Variants in CCDC144A observed in about 807,000 individuals in gnomAD.
CCDC144A encodes coiled-coil domain-containing protein 144A.
In CCDC144A, 41 loss-of-function variants were observed where a neutral mutation model predicts 143.8. That is an observed-to-expected ratio of 0.29 (90% CI 0.22 to 0.37). The LOEUF (loss-of-function observed/expected upper bound fraction) is 0.37. Among genes scored for constraint, CCDC144A ranks in the 10% least tolerant of loss-of-function variants. CCDC144A has a pLI of 1.00. For missense variants in CCDC144A, 637 were observed against 1,488.8 expected (o/e 0.43, Z 9.41); for synonymous variants, 242 against 517.9 (o/e 0.47, Z 7.23).
chr17:16,684,122 C>A, the CCDC144A span: 1 of 1,138,636 alleles, frequency 8.8e-7, no homozygotes, highest in Non-Finnish European at 1.3e-6. Flanking sequence ...TAACTGGGTT[C>A]AAGGTTGGAA....
At chr17:16,688,879 C>G (rs1348942848), upstream of CCDC144A, among the ~76,000 whole-genome samples, 1 of 152,138 alleles carries the variant, frequency 6.6e-6, no homozygotes, top group Non-Finnish European at 1.5e-5. Flanking sequence ...TACTAAAAAT[C>G]CCTAATTTTA....
At chr17:16,691,607 A>C (rs1209576945) in intron 1 of CCDC144A, among the ~76,000 whole-genome samples, 2 of 126,096 alleles carry the variant, frequency 1.6e-5, no homozygotes, top group African/African-American at 6.1e-5. Flanking sequence ...TAAAAAATAC[A>C]AAAAAAAAAT....
intron 12 of CCDC144A, among the ~76,000 whole-genome samples, chr17:16,742,537 T>C (rs1188150347): frequency 1.3e-5 from 2 of 152,200 alleles, no homozygotes; most frequent in African/African-American, 4.8e-5. Context: ...GGAATACTGG[T>C]ATCCCTTTGA....
chr17:16,770,843 A>G (rs1363546006), intron 15 of CCDC144A, among the ~76,000 whole-genome samples: 1 of 151,844 alleles, frequency 6.6e-6, no homozygotes, highest in Non-Finnish European at 1.5e-5. Context: ...ACATAGCTTG[A>G]AAAGGATCAT....
chr17:16,750,502 G>A (rs1413282580), intron 12 of CCDC144A, among the ~76,000 whole-genome samples: 1 of 150,132 alleles, frequency 6.7e-6, no homozygotes, highest in Non-Finnish European at 1.5e-5. Context: ...TTCCTTTCGT[G>A]TTGACCTTGG....
the CCDC144A span, among the ~76,000 whole-genome samples, chr17:16,675,906 C>A: frequency 1.3e-5 from 2 of 151,550 alleles, no homozygotes; most frequent in African/African-American, 4.9e-5. Context: ...CCAAGCCCAG[C>A]TAATTTTTTT....
chr17:16,690,587 A>G lies in CCDC144A; in HGVS notation c.187A>G (p.Lys63Glu). Residue 63 changes from lysine (K) to glutamate (E), a missense_variant, in exon 1 of 17, where the codon AAG (lysine) becomes GAG (glutamate). Transcript: ENST00000399273. ...WWKNSVGSESKHGEGALDQPQ... is the reference protein window; with the variant it reads ...WWKNSVGSESEHGEGALDQPQ... ...GAAAAACAGCGTCGGCAGCGAGAGCAAGCACGGTGAGGGCGCCTTAGACCA... is the reference window on the plus strand; with the variant it reads ...GAAAAACAGCGTCGGCAGCGAGAGCGAGCACGGTGAGGGCGCCTTAGACCA... 6.2e-7 allele frequency: 1 copy of G among 1,613,748 alleles called. No individual in the cohort carries two copies. The highest frequency in any genetic ancestry group is 8.5e-7 in the Non-Finnish European group (1 of 1,179,862).
upstream of CCDC144A, chr17:16,689,835 C>T (rs994248314): frequency 6.6e-5 from 10 of 152,392 alleles, no homozygotes; most frequent in African/African-American, 2.4e-4. Flanking sequence ...GACCCTAGGG[C>T]AACTTTGCTG....
chr17:16,738,159 G>A (rs1045256986), intron 12 of CCDC144A, among the ~76,000 whole-genome samples: 5 of 150,926 alleles, frequency 3.3e-5, no homozygotes, highest in African/African-American at 4.9e-5. Context: ...CCATAGTACT[G>A]TTCTCCAAAA....
chr17:16,766,585 C>A (rs1418644643), intron 15 of CCDC144A: 1 of 152,264 alleles, frequency 6.6e-6, no homozygotes, highest in Non-Finnish European at 1.5e-5. Flanking sequence ...AATAAAAATA[C>A]AAAAATTAGC....
chr17:16,719,229 C>T (rs1912949307), intron 6 of CCDC144A, among the ~76,000 whole-genome samples: 1 of 152,002 alleles, frequency 6.6e-6, no homozygotes, highest in African/African-American at 2.4e-5. Context: ...ACATTGCCAT[C>T]AGCATGTATT....
Position 16,732,677 on chromosome 17 carries a change from T to G in CCDC144A, c.2418+11T>G. On this transcript the variant is annotated intron_variant, in intron 11 of 16. Transcript: ENST00000399273. Reference sequence around the variant, plus strand: ...AAAATGAATTCTGAGGTATTTTCTTTAGTCATTTTCAAATATATTTTTGTA... The same window carrying G: ...AAAATGAATTCTGAGGTATTTTCTTGAGTCATTTTCAAATATATTTTTGTA... 2 of 1,584,360 alleles carry G rather than the reference T, an allele frequency of 1.3e-6. No individual in the cohort carries two copies. Among genetic ancestry groups the G allele is most frequent in the Non-Finnish European group, 1.7e-6 (2 of 1,169,050 alleles).
intron 8 of CCDC144A, among the ~76,000 whole-genome samples, chr17:16,724,724 A>G (rs1415297839): frequency 7.0e-6 from 1 of 143,042 alleles, no homozygotes; most frequent in African/African-American, 2.6e-5. Flanking sequence ...TTTTTGCCTC[A>G]TATATTTTGA....
intron 12 of CCDC144A, among the ~76,000 whole-genome samples, chr17:16,739,093 T>C (rs1914147169): frequency 7.1e-6 from 1 of 140,412 alleles, no homozygotes; most frequent in Non-Finnish European, 1.5e-5. Flanking sequence ...TATATCTTCT[T>C]TGGAGAAATA....
the CCDC144A span, among the ~76,000 whole-genome samples, chr17:16,681,679 A>G: frequency 6.6e-6 from 1 of 151,910 alleles, no homozygotes; most frequent in African/African-American, 2.4e-5. Flanking sequence ...GCCAACATGG[A>G]GAAACCCCGT....
chr17:16,708,712 G>C, intron 4 of CCDC144A, 84 bp from the exon 5 acceptor site: 1 of 1,554,556 alleles, frequency 6.4e-7, no homozygotes, highest in Non-Finnish European at 8.8e-7. Context: ...TAAGGACAAA[G>C]CTATTTTTAA....
At chr17:16,685,420 C>T (rs188008478), upstream of CCDC144A, among the ~76,000 whole-genome samples, 57 of 152,030 alleles carry the variant, frequency 3.7e-4, no homozygotes, top group Non-Finnish European at 5.6e-4. Context: ...TGCTCTGTCA[C>T]CCAGACTGGA....
At chr17:16,741,648 A>G (rs62073727) in intron 12 of CCDC144A, among the ~76,000 whole-genome samples, 9 of 151,902 alleles carry the variant, frequency 5.9e-5, no homozygotes, top group Non-Finnish European at 1.3e-4. Context: ...GTGTCTTATT[A>G]TGTTACCCAG....
At chr17:16,697,727 A>T (rs2621642) in intron 2 of CCDC144A, among the ~76,000 whole-genome samples, 1 of 152,224 alleles carries the variant, frequency 6.6e-6, no homozygotes. Context: ...ATAAAAGCCA[A>T]TTCTTAAGAG....
Sources: gnomAD v4.1 joint callset for allele counts (sites outside exome capture counted in the v4.1 genomes callset) on GRCh38, gnomAD v4.1.1 for gene constraint, MANE v1.5 for transcripts, NCBI Gene and HGNC (gene_info 2026-07-23, HGNC 2026-07-21) for gene names.